The following SGCZ variants were observed in gnomAD, a reference collection of about 807,000 sequenced individuals.
SGCZ encodes sarcoglycan zeta.
Under a neutral mutation model 41.3 loss-of-function variants are expected in SGCZ, and 40 were observed. The ratio of observed to expected loss-of-function variants is 0.97; its 90% confidence interval spans 0.75 to 1.26. The LOEUF is 1.26. Among genes scored for constraint, SGCZ ranks in the 50% most tolerant of loss-of-function variants. The pLI, the probability that SGCZ is intolerant of heterozygous loss-of-function variation, is 0.00. For missense variants in SGCZ, 552 were observed against 369.8 expected (o/e 1.49, Z -4.04); for synonymous variants, 206 against 137.5 (o/e 1.50, Z -3.49).
At chr8:14,926,460 C>A (rs1799752340) in intron 1 of SGCZ, among the ~76,000 whole-genome samples, 1 of 151,944 alleles carries the variant, frequency 6.6e-6, no homozygotes, top group Admixed American at 6.6e-5. Flanking sequence ...ATCAAACATG[C>A]ACATTTATCA....
rs564873011 is a variant in SGCZ, at chr8:15,138,876, T to C, written c.39+98709A>G. On this transcript the variant is annotated intron_variant, in intron 1 of 7. Transcript: ENST00000382080. ...AGGAAGACTTGCTGAACTGGAAACA[T>C]AAAGGATGGAGTTCAAAAGGGAAAA... 2.8e-4 allele frequency among the ~76,000 whole-genome samples: 42 copies of C among 152,182 alleles called. 1 individual carries two copies. Among genetic ancestry groups the C allele is most frequent in the South Asian group, 1.9e-3 (9 of 4,814 alleles).
chr8:14,492,967 A>G (rs906906834), intron 2 of SGCZ, among the ~76,000 whole-genome samples: 13 of 151,936 alleles, frequency 8.6e-5, no homozygotes, highest in African/African-American at 2.7e-4. Flanking sequence ...TTCTGTCTTC[A>G]TTGCTATCAT....
intron 1 of SGCZ, among the ~76,000 whole-genome samples, chr8:15,125,221 T>C (rs1563139043): frequency 6.6e-6 from 1 of 152,192 alleles, no homozygotes; most frequent in Admixed American, 6.5e-5. Context: ...TACTTTAGAC[T>C]GAACAAGGAA....
At position 14,086,147 on chromosome 8, in the gene SGCZ, T is replaced by C. The variant is rs574376111; in HGVS notation, c.*4296A>G. ...AATATGATCACATGAACAACTCTTA[T>C]TAGACCACAGCTATTTGAAGAATTA... On this transcript the variant is annotated 3_prime_UTR_variant, in exon 8 of 8. Transcript: ENST00000382080. Among the ~76,000 whole-genome samples, 7 of 151,840 alleles carry C rather than the reference T, an allele frequency of 4.6e-5. No homozygotes were observed. Among genetic ancestry groups the C allele is most frequent in the South Asian group, 4.1e-4 (2 of 4,824 alleles).
At position 14,983,800 on chromosome 8, in the gene SGCZ, T is replaced by G. The variant is rs973522945; in HGVS notation, c.39+253785A>C. Among the ~76,000 whole-genome samples the G allele has an allele frequency of 1.8e-4, 27 of 152,296 alleles. 3 individuals carry two copies. Among genetic ancestry groups the G allele is most frequent in the Admixed American group, 1.6e-3 (24 of 15,280 alleles). The stretch of plus-strand genomic sequence containing the variant: ...TACTGGGCCCTGGTTTTCTACTGCC[T>G]GAGCTCCTCCATATTTTACTATATC... On this transcript the variant is annotated intron_variant, in intron 1 of 7. Coordinates refer to ENST00000382080, the MANE Select transcript of SGCZ (RefSeq NM_139167.4).
intron 3 of SGCZ, among the ~76,000 whole-genome samples, chr8:14,258,330 T>C (rs1799536739): frequency 6.6e-6 from 1 of 152,150 alleles, no homozygotes. Flanking sequence ...GAGGGCAATG[T>C]ATTAGTCCTC....
chr8:14,776,919 C>T (rs1467051644), intron 1 of SGCZ, among the ~76,000 whole-genome samples: 2 of 152,148 alleles, frequency 1.3e-5, no homozygotes, highest in African/African-American at 2.4e-5. Context: ...AGAACAATCC[C>T]TTGATGTATA....
intron 4 of SGCZ, among the ~76,000 whole-genome samples, chr8:14,230,842 G>A (rs13255607): frequency 0.29 from 43,769 of 150,714 alleles, 7,125 homozygotes; most frequent in Non-Finnish European, 0.37. Context: ...TTGATATGGT[G>A]CAATTTTGGA....
intron 2 of SGCZ, among the ~76,000 whole-genome samples, chr8:14,427,844 C>A (rs1407471640): frequency 2.6e-5 from 4 of 151,932 alleles, no homozygotes; most frequent in Non-Finnish European, 4.4e-5. Context: ...CAGATTCAAC[C>A]AATCATGGAT....
chr8:14,223,407 A>T (rs189118555), intron 4 of SGCZ, among the ~76,000 whole-genome samples: 1 of 152,088 alleles, frequency 6.6e-6, no homozygotes, highest in Non-Finnish European at 1.5e-5. Context: ...AAATAAAGAC[A>T]TATACTATAG....
intron 2 of SGCZ, among the ~76,000 whole-genome samples, chr8:14,351,722 C>T (rs1294939215): frequency 6.6e-6 from 1 of 151,918 alleles, no homozygotes; most frequent in Non-Finnish European, 1.5e-5. Flanking sequence ...TGTAATGGTA[C>T]AATGATTAAT....
At chr8:14,470,872 AC>A (rs1421300744) in intron 2 of SGCZ, among the ~76,000 whole-genome samples, 1 of 152,144 alleles carries the variant, frequency 6.6e-6, no homozygotes, top group Admixed American at 6.6e-5. Flanking sequence ...GTATTTAGAC[AC>A]TGGCACTGAG....
chr8:14,264,005 G>C (rs1379880521), intron 3 of SGCZ, among the ~76,000 whole-genome samples: 1 of 152,220 alleles, frequency 6.6e-6, no homozygotes, highest in East Asian at 1.9e-4. Flanking sequence ...CAGACAGATA[G>C]AGCCACCTGG....
intron 2 of SGCZ, among the ~76,000 whole-genome samples, chr8:14,537,808 A>G (rs1361715259): frequency 6.6e-6 from 1 of 151,954 alleles, no homozygotes; most frequent in Non-Finnish European, 1.5e-5. Flanking sequence ...GAGCTGTTAT[A>G]CTTTCTATAG....
chr8:15,056,798 T>C (rs1379958649), intron 1 of SGCZ, among the ~76,000 whole-genome samples: 1 of 152,144 alleles, frequency 6.6e-6, no homozygotes, highest in African/African-American at 2.4e-5. Flanking sequence ...CTGTGTAAGA[T>C]GTATTTTTTG....
chr8:15,065,915 A>G (rs1805123263), intron 1 of SGCZ, among the ~76,000 whole-genome samples: 2 of 152,210 alleles, frequency 1.3e-5, no homozygotes, highest in Admixed American at 1.3e-4. Flanking sequence ...TTTCTGTGAA[A>G]TAGGTGAAAT....
intron 1 of SGCZ, among the ~76,000 whole-genome samples, chr8:15,152,050 A>G (rs1361152880): frequency 6.6e-6 from 1 of 152,248 alleles, no homozygotes; most frequent in East Asian, 1.9e-4. Flanking sequence ...ATAAAATAAT[A>G]AAAGGGGTGT....
At chr8:14,870,420 T>C (rs954652977) in intron 1 of SGCZ, among the ~76,000 whole-genome samples, 1 of 152,116 alleles carries the variant, frequency 6.6e-6, no homozygotes, top group Non-Finnish European at 1.5e-5. Flanking sequence ...TCTTACACCT[T>C]ATATAAAAAT....
At chr8:14,979,364 TG>T (rs1173990879) in intron 1 of SGCZ, among the ~76,000 whole-genome samples, 1 of 152,190 alleles carries the variant, frequency 6.6e-6, no homozygotes, top group East Asian at 1.9e-4. Context: ...TTAAACTATC[TG>T]CATCTATAAT....
Sources: gnomAD v4.1 joint callset for allele counts (sites outside exome capture counted in the v4.1 genomes callset) on GRCh38, gnomAD v4.1.1 for gene constraint, MANE v1.5 for transcripts, NCBI Gene and HGNC (gene_info 2026-07-23, HGNC 2026-07-21) for gene names.